The following EYS variants were observed in gnomAD, a reference collection of about 807,000 sequenced individuals.
EYS encodes protein eyes shut homolog.
A neutral mutation model predicts 282.1 loss-of-function variants in EYS; 250 were observed. The observed-to-expected ratio is 0.89, with a 90% CI of 0.80 to 0.98. The LOEUF is 0.98. Ranked by LOEUF, EYS falls within the 50% of genes least tolerant of loss-of-function variation. The pLI, the probability that EYS is intolerant of heterozygous loss-of-function variation, is 0.00. For missense variants in EYS, 4,016 were observed against 3,709.0 expected (o/e 1.08, Z -2.15); for synonymous variants, 1,355 against 1,282.9 (o/e 1.06, Z -1.20).
At chr6:64,097,062 C>G (rs1314271653) in intron 31 of EYS, among the ~76,000 whole-genome samples, 1 of 152,170 alleles carries the variant, frequency 6.6e-6, no homozygotes, top group Non-Finnish European at 1.5e-5. Context: ...GGCTGCAGAA[C>G]AGCAGATATT....
intron 31 of EYS, among the ~76,000 whole-genome samples, chr6:64,094,243 T>G (rs1582259476): frequency 6.6e-6 from 1 of 152,346 alleles, no homozygotes; most frequent in East Asian, 1.9e-4. Flanking sequence ...TTGCCTGGCT[T>G]TGGTATCAGG....
intron 31 of EYS, among the ~76,000 whole-genome samples, chr6:64,204,109 A>G (rs34060402): frequency 0.28 from 42,111 of 152,098 alleles, 6,060 homozygotes; most frequent in East Asian, 0.44. Flanking sequence ...TAAATAAACT[A>G]CAGCATGTAA....
At chr6:64,031,325 TC>T (rs1769821051) in intron 33 of EYS, among the ~76,000 whole-genome samples, 1 of 152,178 alleles carries the variant, frequency 6.6e-6, no homozygotes, top group African/African-American at 2.4e-5. Context: ...GTGCTCAATT[TC>T]TCGCCAGGCC....
intron 15 of EYS, among the ~76,000 whole-genome samples, chr6:64,927,392 A>G (rs16896056): frequency 0.016 from 2,431 of 152,306 alleles, 76 homozygotes; most frequent in African/African-American, 0.055. Context: ...TCAAACTAGC[A>G]ATACGAAATC....
At chr6:65,493,000 T>C (rs1443685081) in intron 4 of EYS, among the ~76,000 whole-genome samples, 1 of 152,128 alleles carries the variant, frequency 6.6e-6, no homozygotes, top group Admixed American at 6.5e-5. Context: ...CACTACAAAC[T>C]CTACCTCCTG....
intron 32 of EYS, among the ~76,000 whole-genome samples, chr6:64,071,257 A>G (rs754691001): frequency 5.3e-5 from 8 of 152,174 alleles, no homozygotes; most frequent in Middle Eastern, 6.8e-3. Flanking sequence ...TAGCTTACTC[A>G]TCCAGGTTCT....
intron 18 of EYS, among the ~76,000 whole-genome samples, chr6:64,897,662 G>GA (rs1767518098): frequency 6.6e-6 from 1 of 152,042 alleles, no homozygotes. Flanking sequence ...TCCTCTGAGC[G>GA]AAAAAAGCAT....
At chr6:65,155,357 C>G (rs1016409675) in intron 12 of EYS, among the ~76,000 whole-genome samples, 1 of 151,508 alleles carries the variant, frequency 6.6e-6, no homozygotes, top group South Asian at 2.1e-4. Flanking sequence ...AGCTTTGCCA[C>G]CCAACATGTA....
At chr6:65,427,305 G>T (rs776061326) in intron 5 of EYS, among the ~76,000 whole-genome samples, 3 of 151,976 alleles carry the variant, frequency 2.0e-5, no homozygotes, top group Non-Finnish European at 4.4e-5. Flanking sequence ...TATAGATCAA[G>T]TTGAAAATTA....
chr6:64,907,980 A>C (rs1166031988), intron 16 of EYS, among the ~76,000 whole-genome samples: 1 of 152,168 alleles, frequency 6.6e-6, no homozygotes, highest in African/African-American at 2.4e-5. Flanking sequence ...TGGGCAACTG[A>C]GGCTTCATAT....
At chr6:64,130,298 C>A (rs998173286) in intron 31 of EYS, among the ~76,000 whole-genome samples, 2 of 152,130 alleles carry the variant, frequency 1.3e-5, no homozygotes, top group Non-Finnish European at 2.9e-5. Flanking sequence ...TACTATGCAG[C>A]CATAAAAGAG....
At chr6:64,225,190 C>T (rs1051608257) in intron 31 of EYS, among the ~76,000 whole-genome samples, 1 of 151,962 alleles carries the variant, frequency 6.6e-6, no homozygotes, top group East Asian at 2.0e-4. Context: ...ATTTACTTCC[C>T]TCAATTTGAT....
intron 35 of EYS, among the ~76,000 whole-genome samples, chr6:63,953,203 C>G (rs1474713097): frequency 6.6e-6 from 1 of 152,204 alleles, no homozygotes; most frequent in Non-Finnish European, 1.5e-5. Context: ...GACCCTGACA[C>G]CCATTAGTCC....
At position 65,374,309 on chromosome 6, in the gene EYS, T is replaced by C. The variant is rs1306826351; in HGVS notation, c.1299+10077A>G. Among the ~76,000 whole-genome samples the C allele has an allele frequency of 2.0e-5, 3 of 152,182 alleles. No homozygotes were observed. The East Asian group carries it at 5.8e-4, about 30-fold the overall frequency. On this transcript the variant is annotated intron_variant, in intron 8 of 42. Transcript: ENST00000503581. ...TTACATAAGGGGTCAGGGACCTCCCTACCCTAGCTAAGGGAAGCCATGAGG... is the reference window on the plus strand; with the variant it reads ...TTACATAAGGGGTCAGGGACCTCCCCACCCTAGCTAAGGGAAGCCATGAGG...
intron 33 of EYS, among the ~76,000 whole-genome samples, chr6:64,052,838 C>T (rs1184062985): frequency 2.0e-5 from 3 of 152,072 alleles, no homozygotes; most frequent in Non-Finnish European, 4.4e-5. Flanking sequence ...TGCCACCCTG[C>T]GAAGAGGTGC....
chr6:64,450,993 G>T (rs1053912014), intron 26 of EYS, among the ~76,000 whole-genome samples: 1 of 152,068 alleles, frequency 6.6e-6, no homozygotes, highest in African/African-American at 2.4e-5. Context: ...CAGAAGGCAA[G>T]AAATAACTAA....
At chr6:65,053,362 C>T (rs1398185033) in intron 13 of EYS, among the ~76,000 whole-genome samples, 1 of 151,724 alleles carries the variant, frequency 6.6e-6, no homozygotes, top group Non-Finnish European at 1.5e-5. Flanking sequence ...CAAACAAATT[C>T]ATAAATGCAT....
intron 19 of EYS, among the ~76,000 whole-genome samples, chr6:64,840,344 T>C (rs551895750): frequency 6.6e-6 from 1 of 152,252 alleles, no homozygotes; most frequent in East Asian, 1.9e-4. Flanking sequence ...AATAAAAATG[T>C]AACTTGCAGT....
chr6:64,153,896 G>A (rs1774824801), intron 31 of EYS, among the ~76,000 whole-genome samples: 1 of 152,062 alleles, frequency 6.6e-6, no homozygotes, highest in Non-Finnish European at 1.5e-5. Flanking sequence ...AACAATTGGA[G>A]AGCATATAGA....
Sources: allele counts gnomAD v4.1 joint callset (sites outside exome capture counted in the v4.1 genomes callset), GRCh38; gene constraint gnomAD v4.1.1; transcripts MANE v1.5; gene names NCBI Gene and HGNC (gene_info 2026-07-23, HGNC 2026-07-21).